NRG2: variants seen among roughly 807,000 people sequenced by gnomAD.
NRG2 encodes the protein neuregulin 2, also known as pro-neuregulin-2, membrane-bound isoform.
In NRG2, 27 loss-of-function variants were observed where a neutral mutation model predicts 73.9. The observed-to-expected ratio is 0.37, with a 90% CI of 0.27 to 0.50. The LOEUF is 0.50. Ranked by LOEUF, NRG2 falls within the 20% of genes least tolerant of loss-of-function variation. NRG2 has a pLI of 0.96. For missense variants in NRG2, 1,126 were observed against 1,210.1 expected, an observed-to-expected ratio of 0.93 and a Z score of 1.03; for synonymous variants, 532 against 541.0, an observed-to-expected ratio of 0.98 and a Z score of 0.23.
intron 1 of NRG2, among the ~76,000 whole-genome samples, chr5:139,900,397 G>A (rs1317904608): frequency 1.3e-5 from 2 of 152,228 alleles, no homozygotes; most frequent in Non-Finnish European, 1.5e-5. Context: ...TTACCATGTG[G>A]CCAGAGCCTG....
rs762579868 is a variant in NRG2, at chr5:140,043,102, A to AGCC, written c.-36_-34dup. Reference sequence around the variant, plus strand: ...GGCCATTTGGGGGGCTCCGCCGCTCAGCCGCCGCCGCCTTGGGAGGGGAAA... The same window carrying AGCC: ...GGCCATTTGGGGGGCTCCGCCGCTCAGCCGCCGCCGCCGCCTTGGGAGGGGAAA... On this transcript the variant is annotated 5_prime_UTR_variant, in exon 1 of 10. Transcript: ENST00000361474. This position sits in a 1 kb window ranked among gnomAD's most constrained non-coding sequence, Gnocchi z 6.7. 28 of 1,567,822 alleles carry AGCC rather than the reference A, an allele frequency of 1.8e-5. No homozygotes were observed. The highest frequency in any genetic ancestry group is 2.2e-5 in the Non-Finnish European group (26 of 1,166,068).
At chr5:139,857,999 C>T (rs2127020905) in intron 5 of NRG2, among the ~76,000 whole-genome samples, 1 of 152,310 alleles carries the variant, frequency 6.6e-6, no homozygotes, top group South Asian at 2.1e-4. Flanking sequence ...CCACTCCTCC[C>T]CACCCTGCCC....
chr5:140,032,799 T>G (rs1222185991), intron 1 of NRG2, among the ~76,000 whole-genome samples: 2 of 152,206 alleles, frequency 1.3e-5, no homozygotes, highest in South Asian at 4.1e-4. Flanking sequence ...CACTACTTCT[T>G]GAGGTCAGGG....
intron 3 of NRG2, among the ~76,000 whole-genome samples, chr5:139,874,405 C>A (rs1177177778): frequency 6.6e-6 from 1 of 152,212 alleles, no homozygotes; most frequent in Admixed American, 6.5e-5. Context: ...ATCTCCGTGA[C>A]CAAATGGCAC....
intron 1 of NRG2, among the ~76,000 whole-genome samples, chr5:140,029,162 T>C (rs1456516897): frequency 6.6e-6 from 1 of 152,212 alleles, no homozygotes; most frequent in Non-Finnish European, 1.5e-5. Flanking sequence ...GTTGCTGTGT[T>C]AAGCTATTCC....
At chr5:139,938,525 T>A (rs1249722015) in intron 1 of NRG2, among the ~76,000 whole-genome samples, 2 of 151,942 alleles carry the variant, frequency 1.3e-5, no homozygotes, top group Non-Finnish European at 2.9e-5. Context: ...CCCCGCTAAT[T>A]TTTTTCTTTT....
intron 5 of NRG2, among the ~76,000 whole-genome samples, chr5:139,860,753 T>C (rs1762097967): frequency 6.6e-6 from 1 of 152,144 alleles, no homozygotes; most frequent in Non-Finnish European, 1.5e-5. Flanking sequence ...TTCAGGACCC[T>C]GTGACGGAGA....
intron 1 of NRG2, among the ~76,000 whole-genome samples, chr5:139,966,690 C>CATGCCAA (rs951832041): frequency 4.6e-5 from 7 of 151,998 alleles, no homozygotes; most frequent in African/African-American, 1.7e-4. Flanking sequence ...TTGGCATGGT[C>CATGCCAA]AGGGGTGATG....
Position 139,852,403 on chromosome 5 carries a change from A to G in NRG2, c.1544+29T>C. The G allele has an allele frequency of 6.2e-7, 1 of 1,607,248 alleles. No homozygotes were observed. The highest frequency in any genetic ancestry group is 1.3e-5 in the African/African-American group (1 of 74,704). On this transcript the variant is annotated intron_variant, in intron 8 of 9. Transcript: ENST00000361474. This position sits in a 1 kb window ranked among gnomAD's most constrained non-coding sequence, Gnocchi z 4.4. ...CGCCAGATGAAGTATGTGAGTCTACAAGTTTCCATGGGCCTTGGTGGTGCC... is the reference window on the plus strand; with the variant it reads ...CGCCAGATGAAGTATGTGAGTCTACGAGTTTCCATGGGCCTTGGTGGTGCC...
Position 139,861,899 on chromosome 5 carries a change from G to T in NRG2, c.1189+3650C>A, listed in dbSNP as rs1482851300. On this transcript the variant is annotated intron_variant, in intron 5 of 9. Coordinates refer to ENST00000361474, the MANE Select transcript of NRG2 (RefSeq NM_004883.3). The stretch of plus-strand genomic sequence containing the variant: ...AGCCCAGCTTGACCACAACACCTGG[G>T]ACGCAAAGAGGATTGGGTTCATAGA... The T allele has an allele frequency of 2.7e-5, 12 of 442,024 alleles. No homozygotes were observed. The East Asian group carries it at 8.4e-4, about 31-fold the overall frequency. 27.4% of individuals were successfully genotyped at this position (442,024 alleles called of 1,614,324 possible).
At chr5:139,872,125 C>G (rs55846065) in intron 3 of NRG2, among the ~76,000 whole-genome samples, 9,384 of 152,276 alleles carry the variant, frequency 0.062, 769 homozygotes, top group African/African-American at 0.19. Flanking sequence ...GGTGAGAAGA[C>G]AGCAGGAACT....
intron 1 of NRG2, among the ~76,000 whole-genome samples, chr5:140,001,263 G>C (rs1023970494): frequency 6.6e-6 from 1 of 152,142 alleles, no homozygotes; most frequent in African/African-American, 2.4e-5. Context: ...TGGCATATTT[G>C]TTTGTCCCTA....
intron 1 of NRG2, among the ~76,000 whole-genome samples, chr5:140,032,315 A>T (rs1761217467): frequency 6.6e-6 from 1 of 152,228 alleles, no homozygotes; most frequent in African/African-American, 2.4e-5. Flanking sequence ...ACAAGCCAAA[A>T]TATTGACATA....
intron 1 of NRG2, among the ~76,000 whole-genome samples, chr5:139,944,157 C>T (rs1050974360): frequency 2.6e-5 from 4 of 151,264 alleles, no homozygotes; most frequent in East Asian, 1.9e-4. Context: ...TCAGATGATA[C>T]GATCTTTAAA....
At chr5:139,933,859 T>C (rs1161983018) in intron 1 of NRG2, among the ~76,000 whole-genome samples, 2 of 152,212 alleles carry the variant, frequency 1.3e-5, no homozygotes, top group Admixed American at 1.3e-4. Context: ...TCTCAGTAGA[T>C]TTTAAGAGAT....
intron 1 of NRG2, among the ~76,000 whole-genome samples, chr5:139,967,484 T>C (rs1438773158): frequency 6.6e-6 from 1 of 152,216 alleles, no homozygotes; most frequent in Non-Finnish European, 1.5e-5. Context: ...ATGAAGACGC[T>C]GCTGCCGTGC....
Position 139,887,592 on chromosome 5 carries a change from T to C in NRG2, c.701-81A>G. The C allele has an allele frequency of 7.5e-7, 1 of 1,331,980 alleles. No homozygotes were observed. The highest frequency in any genetic ancestry group is 1.1e-6 in the Non-Finnish European group (1 of 948,252). The allele number at this position is 1,331,980 out of a possible 1,614,324, so 82.5% of individuals were successfully genotyped here. A position where few individuals can be genotyped will look rare whatever the true frequency, so the allele number is the denominator to read the frequency against. On this transcript the variant is annotated intron_variant, in intron 1 of 9. Coordinates refer to ENST00000361474, the MANE Select transcript of NRG2 (RefSeq NM_004883.3). The surrounding 1 kb of genome is among the most constrained non-coding windows in gnomAD (Gnocchi z 4.5). ...ATGAGTAGTGGAGAGTAAGGGCCAC[T>C]GTCTTTGGGCTGGAACTGGGGAAGG...
chr5:139,864,387 T>TC (rs1425242645), intron 5 of NRG2, among the ~76,000 whole-genome samples: 34 of 127,248 alleles, frequency 2.7e-4, no homozygotes, highest in African/African-American at 1.0e-3. Flanking sequence ...TTCTTCTTCT[T>TC]TTTTTTTTTT....
chr5:139,912,444 A>G (rs2127197967), intron 1 of NRG2, among the ~76,000 whole-genome samples: 1 of 152,218 alleles, frequency 6.6e-6, no homozygotes, highest in African/African-American at 2.4e-5. Flanking sequence ...TTCCCAAGCC[A>G]GACTTAGCCC....
Sources: allele counts gnomAD v4.1 joint callset (sites outside exome capture counted in the v4.1 genomes callset), GRCh38; gene constraint gnomAD v4.1.1; non-coding constraint Gnocchi (gnomAD v3.1); transcripts MANE v1.5; gene names NCBI Gene and HGNC (gene_info 2026-07-23, HGNC 2026-07-21).